The following UBE2E2 variants were observed in gnomAD, a reference collection of about 807,000 sequenced individuals.
UBE2E2 encodes ubiquitin conjugating enzyme E2 E2, also known as ubiquitin-conjugating enzyme E2 E2.
In UBE2E2, 6 loss-of-function variants were observed where a neutral mutation model predicts 24.7. That is an observed-to-expected ratio of 0.24 (90% CI 0.13 to 0.48). The LOEUF is 0.48. Ranked by LOEUF, UBE2E2 falls within the 20% of genes least tolerant of loss-of-function variation. The pLI, the probability that UBE2E2 is intolerant of heterozygous loss-of-function variation, is 0.99. For synonymous variants in UBE2E2, 104 were observed against 83.6 expected, an observed-to-expected ratio of 1.24 and a Z score of -1.33; for missense variants, 169 against 245.0, an observed-to-expected ratio of 0.69 and a Z score of 2.07.
At chr3:23,588,177 A>G (rs1052896827) in intron 5 of UBE2E2, among the ~76,000 whole-genome samples, 7 of 151,866 alleles carry the variant, frequency 4.6e-5, no homozygotes, top group African/African-American at 1.7e-4. Context: ...ATTCTCTACT[A>G]TTTTTTTCCT....
chr3:23,303,373 C>T (rs1218011245), intron 3 of UBE2E2, among the ~76,000 whole-genome samples: 3 of 152,012 alleles, frequency 2.0e-5, no homozygotes, highest in African/African-American at 7.3e-5. Flanking sequence ...TCCCCTCAAC[C>T]CGGGTGTGTG....
intron 3 of UBE2E2, among the ~76,000 whole-genome samples, chr3:23,446,450 G>A (rs1285973702): frequency 1.3e-5 from 2 of 152,172 alleles, no homozygotes; most frequent in African/African-American, 2.4e-5. Context: ...AATGGAATGT[G>A]AAGATATCCC....
chr3:23,256,794 G>A (rs571954854), intron 3 of UBE2E2, among the ~76,000 whole-genome samples: 2 of 152,100 alleles, frequency 1.3e-5, no homozygotes, highest in East Asian at 1.9e-4. Context: ...ATGCGTCCTT[G>A]CTCTCACACA....
At chr3:23,379,968 C>G (rs1696625185) in intron 3 of UBE2E2, among the ~76,000 whole-genome samples, 1 of 151,636 alleles carries the variant, frequency 6.6e-6, no homozygotes, top group Non-Finnish European at 1.5e-5. Context: ...GTGGGGCAGT[C>G]TTTCTCCCAG....
At chr3:23,313,751 C>A (rs1694484278) in intron 3 of UBE2E2, among the ~76,000 whole-genome samples, 1 of 152,052 alleles carries the variant, frequency 6.6e-6, no homozygotes, top group Non-Finnish European at 1.5e-5. Flanking sequence ...CACTTACATT[C>A]AGTGTTGTTA....
intron 5 of UBE2E2, among the ~76,000 whole-genome samples, chr3:23,558,499 A>G (rs1245187130): frequency 6.6e-6 from 1 of 152,202 alleles, no homozygotes; most frequent in Admixed American, 6.5e-5. Context: ...CGTTTGTACC[A>G]TCCTGAAATC....
rs529114924 is a variant in UBE2E2, at chr3:23,500,948, G to T, written c.360+1208G>T. 4.6e-5 allele frequency among the ~76,000 whole-genome samples: 7 copies of T among 152,076 alleles called. No individual in the cohort carries two copies. The South Asian group carries it at 1.5e-3, about 32-fold the overall frequency. The stretch of plus-strand genomic sequence containing the variant: ...AATACATTTTATTCAAGCTGTCAGG[G>T]CTGGTGGCACTGGTGACCACCAAGA... On this transcript the variant is annotated intron_variant, in intron 4 of 5. Transcript: ENST00000396703.
intron 3 of UBE2E2, among the ~76,000 whole-genome samples, chr3:23,413,037 G>A (rs1697530422): frequency 6.9e-6 from 1 of 145,364 alleles, no homozygotes; most frequent in East Asian, 2.1e-4. Flanking sequence ...CACACTCCGG[G>A]GACAGTTTTG....
At chr3:23,255,079 C>CTTTTTT (rs202015038) in intron 3 of UBE2E2, among the ~76,000 whole-genome samples, 4 of 85,950 alleles carry the variant, frequency 4.7e-5, no homozygotes, top group Non-Finnish European at 6.4e-5. Flanking sequence ...GAGTAACTTC[C>CTTTTTT]TTTTTTTTTT....
intron 3 of UBE2E2, among the ~76,000 whole-genome samples, chr3:23,293,519 G>A (rs546529981): frequency 5.4e-4 from 82 of 152,224 alleles, no homozygotes; most frequent in African/African-American, 1.8e-3. Flanking sequence ...ACGGTCTTAC[G>A]TTAAAAAAAT....
At chr3:23,257,736 A>G (rs1016427566) in intron 3 of UBE2E2, among the ~76,000 whole-genome samples, 2 of 151,572 alleles carry the variant, frequency 1.3e-5, no homozygotes, top group African/African-American at 4.8e-5. Flanking sequence ...TCATATTAAA[A>G]TTACTTTTAT....
At chr3:23,227,663 CA>C (rs1696863075) in intron 3 of UBE2E2, among the ~76,000 whole-genome samples, 1 of 151,966 alleles carries the variant, frequency 6.6e-6, no homozygotes, top group Admixed American at 6.6e-5. Context: ...TTTTTGAAGA[CA>C]AAAAACTTTA....
chr3:23,521,178 C>T (rs1447661029), intron 4 of UBE2E2, among the ~76,000 whole-genome samples: 1 of 152,136 alleles, frequency 6.6e-6, no homozygotes, highest in Non-Finnish European at 1.5e-5. Flanking sequence ...TTTCATTTTA[C>T]ATTTATCAAA....
chr3:23,236,780 A>T (rs889988358), intron 3 of UBE2E2, among the ~76,000 whole-genome samples: 1 of 152,170 alleles, frequency 6.6e-6, no homozygotes, highest in South Asian at 2.1e-4. Flanking sequence ...TTTCCTGTGG[A>T]TGTGTGGACC....
intron 2 of UBE2E2, among the ~76,000 whole-genome samples, chr3:23,216,404 T>C (rs963916845): frequency 6.6e-6 from 1 of 152,180 alleles, no homozygotes; most frequent in Non-Finnish European, 1.5e-5. Flanking sequence ...ATTATTGATA[T>C]ACTGTCACAG....
At chr3:23,436,010 C>T (rs1393171975) in intron 3 of UBE2E2, among the ~76,000 whole-genome samples, 2 of 152,044 alleles carry the variant, frequency 1.3e-5, no homozygotes, top group African/African-American at 4.8e-5. Context: ...ACGCACAGTT[C>T]ACAATAGGAT....
chr3:23,383,979 C>G (rs1435284137), intron 3 of UBE2E2, among the ~76,000 whole-genome samples: 1 of 151,050 alleles, frequency 6.6e-6, no homozygotes, highest in Non-Finnish European at 1.5e-5. Context: ...CCTTAACGTG[C>G]TCAAAGTGAT....
At chr3:23,242,059 G>T (rs539542006) in intron 3 of UBE2E2, among the ~76,000 whole-genome samples, 1 of 152,204 alleles carries the variant, frequency 6.6e-6, no homozygotes, top group South Asian at 2.1e-4. Context: ...ACAGGATTGG[G>T]CTAACACACC....
intron 3 of UBE2E2, among the ~76,000 whole-genome samples, chr3:23,451,537 G>A (rs774216480): frequency 1.2e-4 from 18 of 152,130 alleles, no homozygotes; most frequent in Admixed American, 4.6e-4. Flanking sequence ...CGACTATACC[G>A]TGTTATCTCT....
Sources: gnomAD v4.1 joint callset for allele counts (sites outside exome capture counted in the v4.1 genomes callset) on GRCh38, gnomAD v4.1.1 for gene constraint, MANE v1.5 for transcripts, NCBI Gene and HGNC (gene_info 2026-07-23, HGNC 2026-07-21) for gene names.